MYOF: variants seen among roughly 807,000 people sequenced by gnomAD.
MYOF encodes the protein fer-1-like 3, myoferlin.
In MYOF, 244 loss-of-function variants were observed where a neutral mutation model predicts 284.2. The ratio of observed to expected loss-of-function variants is 0.86; its 90% CI spans 0.77 to 0.95. The LOEUF is 0.95. MYOF is among the 40% of genes least tolerant of loss of function. MYOF has a pLI of 0.00. For missense variants in MYOF, 2,496 were observed against 2,560.6 expected, an observed-to-expected ratio of 0.97 and a Z score of 0.54; for synonymous variants, 904 against 919.7, an observed-to-expected ratio of 0.98 and a Z score of 0.31.
intron 38 of MYOF, among the ~76,000 whole-genome samples, chr10:93,341,437 G>A (rs1886078): frequency 0.3 from 45,858 of 151,840 alleles, 8,171 homozygotes; most frequent in Middle Eastern, 0.43. Flanking sequence ...CACCACACCT[G>A]GCTAATTTTT....
intron 1 of MYOF, among the ~76,000 whole-genome samples, chr10:93,479,388 AAGT>A (rs2057341331): frequency 6.6e-6 from 1 of 152,148 alleles, no homozygotes; most frequent in Non-Finnish European, 1.5e-5. Context: ...ATTTTGCTAT[AAGT>A]ATCCTCAGTT....
intron 3 of MYOF, among the ~76,000 whole-genome samples, chr10:93,447,648 C>G (rs968501510): frequency 1.3e-5 from 2 of 152,320 alleles, no homozygotes; most frequent in African/African-American, 4.8e-5. Context: ...TGAGCGCTAG[C>G]TGTCTCTCGT....
intron 32 of MYOF, among the ~76,000 whole-genome samples, chr10:93,353,010 C>T (rs1335725703): frequency 1.3e-5 from 2 of 152,142 alleles, no homozygotes; most frequent in African/African-American, 4.8e-5. Context: ...CAGTCAAATG[C>T]TTTAACAAAC....
At chr10:93,323,405 A>G in intron 46 of MYOF, 47 bp from the exon 47 acceptor site, 2 of 1,470,308 alleles carry the variant, frequency 1.4e-6, no homozygotes, top group Non-Finnish European at 1.9e-6. Context: ...TATGATGGGT[A>G]GCAGAAGTCA....
rs1041475425 is a variant in MYOF, at chr10:93,352,799, A to C, written c.3482-953T>G. Among the ~76,000 whole-genome samples the C allele has an allele frequency of 6.6e-5, 10 of 151,144 alleles. 2 individuals carry two copies. Among genetic ancestry groups the C allele is most frequent in the Admixed American group, 6.5e-4 (10 of 15,278 alleles). On this transcript the variant is annotated intron_variant, in intron 32 of 53. Transcript: ENST00000359263. ...AGCTTTAGTCAAGAACTTTGGAAAGATGTTTTTTTAACTTTCAGTGATAGA... is the reference window on the plus strand; with the variant it reads ...AGCTTTAGTCAAGAACTTTGGAAAGCTGTTTTTTTAACTTTCAGTGATAGA...
intron 51 of MYOF, among the ~76,000 whole-genome samples, chr10:93,311,170 G>A (rs1029672300): frequency 2.0e-5 from 3 of 152,064 alleles, no homozygotes; most frequent in African/African-American, 7.2e-5. Context: ...CCCTGCTCAC[G>A]GGTTCCTGAG....
At position 93,431,390 on chromosome 10, in the gene MYOF, AAG is replaced by A. The variant is rs1848861121; in HGVS notation, c.345+16_345+17del. On this transcript the variant is annotated intron_variant, in intron 4 of 53. Transcript: ENST00000359263. ...TCATCTCACTTCAAAGCCATTCAAT[AAG>A]AGAGAAAACACTCACCCCAGTATCT... is the stretch of plus-strand genomic sequence containing the variant. The A allele has an allele frequency of 3.7e-6, 6 of 1,607,224 alleles. No homozygotes were observed. Among genetic ancestry groups the A allele is most frequent in the Non-Finnish European group, 5.1e-6 (6 of 1,174,088 alleles).
intron 12 of MYOF, 111 bp downstream of exon 12, chr10:93,401,307 C>G (rs1254460062): frequency 6.9e-7 from 1 of 1,452,940 alleles, no homozygotes; most frequent in Non-Finnish European, 9.2e-7. Context: ...GAAGCCCTTT[C>G]AGAAGAAAAA....
chr10:93,327,753 G>A (rs1046685328), intron 45 of MYOF, among the ~76,000 whole-genome samples: 1 of 152,012 alleles, frequency 6.6e-6, no homozygotes, highest in Admixed American at 6.5e-5. Context: ...CAAAACATAA[G>A]TTTTTTTGTT....
chr10:93,321,696 CTCT>C (rs970484796), intron 48 of MYOF, among the ~76,000 whole-genome samples: 3 of 150,378 alleles, frequency 2.0e-5, no homozygotes, highest in Non-Finnish European at 2.9e-5. Context: ...AGCTCTTCCT[CTCT>C]TTTTTTGGTG....
At chr10:93,312,500 C>A (rs1231778174) in intron 51 of MYOF, among the ~76,000 whole-genome samples, 1 of 152,106 alleles carries the variant, frequency 6.6e-6, no homozygotes, top group Non-Finnish European at 1.5e-5. Context: ...TGTGCACCAC[C>A]ACTACTGGCT....
At chr10:93,430,844 G>A (rs554715393) in intron 4 of MYOF, among the ~76,000 whole-genome samples, 22 of 152,098 alleles carry the variant, frequency 1.4e-4, no homozygotes, top group African/African-American at 3.6e-4. Context: ...GGTCCATGTC[G>A]TTTGCAAACG....
intron 53 of MYOF, among the ~76,000 whole-genome samples, chr10:93,308,266 A>G (rs1564605043): frequency 1.3e-5 from 2 of 149,488 alleles, no homozygotes; most frequent in East Asian, 4.1e-4. Context: ...AATAAAAAAA[A>G]TAGAAGTTTT....
intron 5 of MYOF, 88 bp from the exon 6 acceptor site, chr10:93,409,827 G>A: frequency 1.3e-6 from 2 of 1,503,676 alleles, no homozygotes; most frequent in East Asian, 4.5e-5. Flanking sequence ...GGTTTTGTCT[G>A]CCATTATGTT....
At position 93,381,730 on chromosome 10, in the gene MYOF, C is replaced by T. The variant is rs1055367735; in HGVS notation, c.1699-334G>A. Among the ~76,000 whole-genome samples, 82 of 152,246 alleles carry T rather than the reference C, an allele frequency of 5.4e-4. 1 individual carries two copies. Among genetic ancestry groups the T allele is most frequent in the Middle Eastern group, 3.4e-3 (1 of 294 alleles). ...GACTTAATTAGGTCCATATGTGCAA[C>T]CATGAAAAAAGAGTATATTTTTTGG... On this transcript the variant is annotated intron_variant, in intron 19 of 53. Coordinates refer to ENST00000359263, the MANE Select transcript of MYOF (RefSeq NM_013451.4).
intron 3 of MYOF, among the ~76,000 whole-genome samples, chr10:93,438,800 A>C (rs2056155234): frequency 6.6e-6 from 1 of 152,088 alleles, no homozygotes. Flanking sequence ...ATCGAAGTCC[A>C]ATTATTTAAT....
chr10:93,409,490 G>T, intron 6 of MYOF, 83 bp downstream of exon 6: 2 of 1,473,738 alleles, frequency 1.4e-6, no homozygotes, highest in Non-Finnish European at 9.2e-7. Context: ...ATTGGAATAG[G>T]TCCACTGAAA....
intron 19 of MYOF, 95 bp downstream of exon 19, chr10:93,387,702 G>T (rs1377123241): frequency 4.4e-6 from 4 of 915,454 alleles, no homozygotes; most frequent in Admixed American, 1.8e-5. Flanking sequence ...GGGCCTCATT[G>T]TGAGTTGGGT....
At chr10:93,448,124 G>A (rs868817520) in intron 3 of MYOF, among the ~76,000 whole-genome samples, 2 of 152,092 alleles carry the variant, frequency 1.3e-5, no homozygotes, top group South Asian at 4.2e-4. Flanking sequence ...CCTTTCTCAC[G>A]TTTCTCCAGC....
Sources: gnomAD v4.1 joint callset for allele counts (sites outside exome capture counted in the v4.1 genomes callset) on GRCh38, gnomAD v4.1.1 for gene constraint, MANE v1.5 for transcripts, NCBI Gene and HGNC (gene_info 2026-07-23, HGNC 2026-07-21) for gene names.